Variants in GPC5 observed in about 807,000 individuals in gnomAD.
The protein encoded by GPC5 is glypican-5.
Under a neutral mutation model 53.9 loss-of-function variants are expected in GPC5, and 47 were observed. The observed-to-expected ratio is 0.87, with a 90% CI of 0.69 to 1.11. The LOEUF (loss-of-function observed/expected upper bound fraction) is 1.11, where lower values mean the gene tolerates loss of function less well. Ranked by LOEUF, GPC5 falls within the 50% of genes most tolerant of loss-of-function variation. The pLI is 0.00. For synonymous variants in GPC5, 286 were observed against 263.3 expected, an observed-to-expected ratio of 1.09 and a Z score of -0.84; for missense variants, 748 against 713.1, an observed-to-expected ratio of 1.05 and a Z score of -0.56.
At chr13:92,097,270 G>A (rs142541262) in intron 6 of GPC5, among the ~76,000 whole-genome samples, 447 of 152,294 alleles carry the variant, frequency 2.9e-3, no homozygotes, top group African/African-American at 0.01. Context: ...TGAAGGTCCA[G>A]CCTTGTTTTC....
At chr13:91,557,091 A>G (rs2031000864) in intron 2 of GPC5, among the ~76,000 whole-genome samples, 1 of 152,094 alleles carries the variant, frequency 6.6e-6, no homozygotes, top group African/African-American at 2.4e-5. Flanking sequence ...GCTGGGTCTT[A>G]TGGTAATTAT....
chr13:92,145,686 A>G (rs931218581), intron 7 of GPC5, among the ~76,000 whole-genome samples: 12 of 152,180 alleles, frequency 7.9e-5, no homozygotes, highest in African/African-American at 2.9e-4. Flanking sequence ...TCATATGGGC[A>G]AAACAACAAA....
At chr13:92,753,538 T>C (rs1231570235) in intron 7 of GPC5, among the ~76,000 whole-genome samples, 4 of 152,062 alleles carry the variant, frequency 2.6e-5, no homozygotes, top group Admixed American at 2.0e-4. Flanking sequence ...CTCTGAGCTA[T>C]GGGAGGACAT....
At chr13:91,595,836 G>T (rs1282504206) in intron 2 of GPC5, among the ~76,000 whole-genome samples, 1 of 152,152 alleles carries the variant, frequency 6.6e-6, no homozygotes, top group Non-Finnish European at 1.5e-5. Context: ...CTGGCTTGCT[G>T]TCCCCACCAT....
intron 7 of GPC5, among the ~76,000 whole-genome samples, chr13:92,279,006 G>A (rs1296157054): frequency 1.3e-5 from 2 of 151,756 alleles, no homozygotes; most frequent in Non-Finnish European, 2.9e-5. Flanking sequence ...AACTATTAAG[G>A]GCCCCTTGTG....
At chr13:92,699,737 T>A (rs915673753) in intron 7 of GPC5, among the ~76,000 whole-genome samples, 2 of 152,196 alleles carry the variant, frequency 1.3e-5, no homozygotes, top group East Asian at 3.9e-4. Flanking sequence ...GTTGTGCAAT[T>A]TTGAGTGAGT....
chr13:92,292,332 T>C lies in GPC5; in HGVS notation c.1561+147343T>C, dbSNP rs117822957. Among the ~76,000 whole-genome samples, 1,300 of 152,336 alleles carry C rather than the reference T, an allele frequency of 8.5e-3. 8 individuals are homozygous for C. The highest frequency in any genetic ancestry group is 0.016 in the Admixed American group (240 of 15,298). On this transcript the variant is annotated intron_variant, in intron 7 of 7. Coordinates refer to ENST00000377067, the MANE Select transcript of GPC5 (RefSeq NM_004466.6). ...GTAGAAGTGTTCCCTGTTCACCTCA[T>C]CCATGCCACCATCTATTATTCTTTT...
intron 2 of GPC5, among the ~76,000 whole-genome samples, chr13:91,634,034 T>C (rs2034224616): frequency 6.6e-6 from 1 of 152,136 alleles, no homozygotes; most frequent in Admixed American, 6.6e-5. Flanking sequence ...TCTGCCTGAC[T>C]CCTAAGATTA....
intron 2 of GPC5, among the ~76,000 whole-genome samples, chr13:91,453,646 T>C (rs1412207229): frequency 1.3e-5 from 2 of 151,434 alleles, no homozygotes; most frequent in African/African-American, 2.5e-5. Flanking sequence ...GGGAGACTTA[T>C]TTCTATGTGT....
intron 7 of GPC5, among the ~76,000 whole-genome samples, chr13:92,464,962 A>G (rs532044296): frequency 6.6e-6 from 1 of 152,074 alleles, no homozygotes; most frequent in East Asian, 1.9e-4. Context: ...AAAACTAAAC[A>G]TAATGAAAGA....
chr13:92,111,199 A>T (rs545449636), intron 6 of GPC5, among the ~76,000 whole-genome samples: 4 of 152,154 alleles, frequency 2.6e-5, no homozygotes, highest in African/African-American at 9.7e-5. Context: ...CATCCTTTAC[A>T]TGTGTCTGTC....
chr13:92,330,608 T>G (rs1335237637), intron 7 of GPC5, among the ~76,000 whole-genome samples: 1 of 152,184 alleles, frequency 6.6e-6, no homozygotes, highest in Non-Finnish European at 1.5e-5. Context: ...TTAAGAGAAT[T>G]TGTCATTTAA....
intron 4 of GPC5, among the ~76,000 whole-genome samples, chr13:91,752,230 G>T (rs892854772): frequency 2.9e-5 from 4 of 136,518 alleles, no homozygotes; most frequent in Non-Finnish European, 4.7e-5. Flanking sequence ...TTATGTGTGG[G>T]TATGTATGTA....
At chr13:91,913,518 A>G (rs909224860) in intron 6 of GPC5, among the ~76,000 whole-genome samples, 1 of 152,030 alleles carries the variant, frequency 6.6e-6, no homozygotes, top group Non-Finnish European at 1.5e-5. Context: ...TTCTGCACAC[A>G]TTCCCTCTTC....
At chr13:92,573,767 G>A (rs1383604934) in intron 7 of GPC5, among the ~76,000 whole-genome samples, 1 of 152,114 alleles carries the variant, frequency 6.6e-6, no homozygotes, top group Non-Finnish European at 1.5e-5. Context: ...TCCCAGGCTA[G>A]CCTAGTAACT....
chr13:92,058,165 G>A (rs916056515), intron 6 of GPC5, among the ~76,000 whole-genome samples: 1 of 151,986 alleles, frequency 6.6e-6, no homozygotes, highest in African/African-American at 2.4e-5. Flanking sequence ...TTAACAGAGG[G>A]TCTTTAGATT....
intron 6 of GPC5, among the ~76,000 whole-genome samples, chr13:92,129,414 T>C (rs1275392681): frequency 1.3e-5 from 2 of 152,178 alleles, no homozygotes; most frequent in Admixed American, 6.5e-5. Flanking sequence ...ACTAACATTA[T>C]CAGAATACTT....
chr13:91,510,989 A>T (rs1885204441), intron 2 of GPC5, among the ~76,000 whole-genome samples: 1 of 152,054 alleles, frequency 6.6e-6, no homozygotes, highest in African/African-American at 2.4e-5. Flanking sequence ...TACTGCTTTT[A>T]CACATGGAAA....
chr13:91,996,685 C>T (rs1306439794), intron 6 of GPC5, among the ~76,000 whole-genome samples: 2 of 152,014 alleles, frequency 1.3e-5, no homozygotes, highest in South Asian at 2.1e-4. Flanking sequence ...TGGATCCCTA[C>T]CCCTCCCTCT....
Sources: gnomAD v4.1 joint callset for allele counts (sites outside exome capture counted in the v4.1 genomes callset) on GRCh38, gnomAD v4.1.1 for gene constraint, MANE v1.5 for transcripts, NCBI Gene and HGNC (gene_info 2026-07-23, HGNC 2026-07-21) for gene names.